KCNN3: variants seen among roughly 807,000 people sequenced by gnomAD.
KCNN3 encodes small conductance calcium-activated potassium channel protein 3.
In KCNN3, 16 loss-of-function variants were observed where a neutral mutation model predicts 62.9. That is an observed-to-expected ratio of 0.25 (90% confidence interval 0.17 to 0.39). KCNN3 has a LOEUF of 0.39. Ranked by LOEUF, KCNN3 falls within the 10% of genes least tolerant of loss-of-function variation. KCNN3 has a pLI of 1.00. For synonymous variants in KCNN3, 370 were observed against 389.2 expected, an observed-to-expected ratio of 0.95 and a Z score of 0.58; for missense variants, 599 against 949.4, an observed-to-expected ratio of 0.63 and a Z score of 4.85.
At chr1:154,732,261 G>A (rs565574236) in intron 4 of KCNN3, among the ~76,000 whole-genome samples, 1 of 152,354 alleles carries the variant, frequency 6.6e-6, no homozygotes, top group Non-Finnish European at 1.5e-5. Context: ...ACACTGTGAT[G>A]GCCATGTGAC....
chr1:154,808,874 A>T (rs1257437792), intron 2 of KCNN3, among the ~76,000 whole-genome samples: 1 of 152,158 alleles, frequency 6.6e-6, no homozygotes, highest in African/African-American at 2.4e-5. Context: ...TGCACAAGTG[A>T]GGGATCTGAG....
rs1168754175 is a variant in KCNN3, at chr1:154,725,949, A to G, written c.1668T>C (p.His556=). ...TGAGCTGAGTGTCCATCATGAAGTT[A>G]TGAACGTGCTTCTCCGCTTTGGTGA... is the stretch of plus-strand genomic sequence containing the variant. ...LELTKAEKHV[H]NFMMDTQLTK... The change falls in exon 5 of 8, where the codon CAT becomes CAC. Residue 556 remains histidine, a synonymous_variant. Transcript: ENST00000271915. 1 of 1,614,012 alleles carries G rather than the reference A, an allele frequency of 6.2e-7. No individual in the cohort carries two copies. The highest frequency in any genetic ancestry group is 8.5e-7 in the Non-Finnish European group (1 of 1,179,984).
intron 2 of KCNN3, among the ~76,000 whole-genome samples, chr1:154,782,308 C>T (rs1255492489): frequency 2.6e-5 from 4 of 152,118 alleles, no homozygotes; most frequent in Admixed American, 1.3e-4. Context: ...CTCGGGCCTC[C>T]GAAACAAAAT....
intron 2 of KCNN3, among the ~76,000 whole-genome samples, chr1:154,790,967 G>A (rs954713913): frequency 1.3e-5 from 2 of 152,112 alleles, no homozygotes; most frequent in African/African-American, 2.4e-5. Flanking sequence ...GGTGGCTCAC[G>A]CCTGTAATCC....
At chr1:154,725,534 C>T (rs1034576511) in intron 5 of KCNN3, among the ~76,000 whole-genome samples, 16 of 63,954 alleles carry the variant, frequency 2.5e-4, no homozygotes, top group African/African-American at 9.7e-4. Context: ...CATTTGCTTC[C>T]TTCCTTCCTT....
rs1410081529 is a variant in KCNN3, at chr1:154,701,243, ACTATC to A, written c.*6728_*6732del. 6.6e-6 allele frequency: 1 copy of A among 152,234 alleles called. No homozygotes were observed. The highest frequency in any genetic ancestry group is 2.4e-5 in the African/African-American group (1 of 41,456). The allele number at this position is 152,234 out of a possible 1,614,324, so 9.4% of individuals were successfully genotyped here. A position where few individuals can be genotyped will look rare whatever the true frequency, so the allele number is the denominator to read the frequency against. ...CCCAGGAGAAAACTTGTTGTTTTGC[ACTATC>A]TGTAAATCTATGTGAATTTTCAGGG... is the stretch of plus-strand genomic sequence containing the variant. On this transcript the variant is annotated 3_prime_UTR_variant, in exon 8 of 8. Transcript: ENST00000271915.
At chr1:154,811,802 A>G (rs892532148) in intron 2 of KCNN3, among the ~76,000 whole-genome samples, 4 of 152,256 alleles carry the variant, frequency 2.6e-5, no homozygotes, top group African/African-American at 7.2e-5. Flanking sequence ...GCACAATGCA[A>G]CAACACTTGT....
At chr1:154,843,561 C>T (rs1023743168) in intron 1 of KCNN3, among the ~76,000 whole-genome samples, 9 of 152,288 alleles carry the variant, frequency 5.9e-5, no homozygotes, top group South Asian at 4.1e-4. Context: ...CCACTGCGCC[C>T]GGCCCCTCAT....
intron 3 of KCNN3, among the ~76,000 whole-genome samples, chr1:154,741,968 C>T (rs1700830051): frequency 6.6e-6 from 1 of 152,262 alleles, no homozygotes; most frequent in Non-Finnish European, 1.5e-5. Context: ...CAACACGTAC[C>T]TGGCTTGGCC....
intron 1 of KCNN3, among the ~76,000 whole-genome samples, chr1:154,866,216 C>T (rs953818703): frequency 6.6e-6 from 1 of 152,192 alleles, no homozygotes; most frequent in Non-Finnish European, 1.5e-5. Context: ...CAACTTCTCA[C>T]TCCGTTGACA....
At chr1:154,748,826 G>A (rs1237929535) in intron 3 of KCNN3, among the ~76,000 whole-genome samples, 3 of 152,200 alleles carry the variant, frequency 2.0e-5, no homozygotes, top group Admixed American at 2.0e-4. Context: ...GCAGGGCATG[G>A]TGGTACGTGT....
In KCNN3 at chr1:154,847,735, G is replaced by A. The variant is rs563633740; in HGVS notation, c.933+21297C>T. On this transcript the variant is annotated intron_variant, in intron 1 of 7. Transcript: ENST00000271915. Reference sequence around the variant, plus strand: ...GGTCTTGCCTCTCCCCACCCATCAAGTCAAGTCCATCATCATATCTTGACA... The same window carrying A: ...GGTCTTGCCTCTCCCCACCCATCAAATCAAGTCCATCATCATATCTTGACA... Among the ~76,000 whole-genome samples the A allele has an allele frequency of 2.0e-5, 3 of 152,258 alleles. No homozygotes were observed. The South Asian group carries it at 6.2e-4, about 32-fold the overall frequency.
intron 3 of KCNN3, among the ~76,000 whole-genome samples, chr1:154,738,221 G>A (rs1011372373): frequency 6.6e-6 from 1 of 152,230 alleles, no homozygotes; most frequent in Non-Finnish European, 1.5e-5. Context: ...GAGCTTTAGG[G>A]GTTTTGGGGG....
At chr1:154,819,947 G>C (rs985889005) in intron 2 of KCNN3, among the ~76,000 whole-genome samples, 1 of 152,226 alleles carries the variant, frequency 6.6e-6, no homozygotes, top group Admixed American at 6.5e-5. Context: ...GTTCAGCAAA[G>C]TGGGTGATGT....
intron 2 of KCNN3, among the ~76,000 whole-genome samples, chr1:154,790,541 G>C (rs1649470128): frequency 6.6e-6 from 1 of 152,188 alleles, no homozygotes. Flanking sequence ...GTAAACGGTA[G>C]AGTACTGTAT....
intron 1 of KCNN3, among the ~76,000 whole-genome samples, chr1:154,826,264 A>T (rs553887739): frequency 6.6e-6 from 1 of 152,292 alleles, no homozygotes; most frequent in South Asian, 2.1e-4. Context: ...AGAATTCCTA[A>T]GAGCTGCCTC....
rs1699950939 is a variant in KCNN3, at chr1:154,705,550, T to C, written c.*2426A>G. Reference sequence around the variant, plus strand: ...TCACTCCCTTGACTAGTGTTGCTAGTTTGGTCTTTAGGGTTTACCTAAGTG... The same window carrying C: ...TCACTCCCTTGACTAGTGTTGCTAGCTTGGTCTTTAGGGTTTACCTAAGTG... On this transcript the variant is annotated 3_prime_UTR_variant, in exon 8 of 8. Transcript: ENST00000271915. 1 of 152,188 alleles carries C rather than the reference T, an allele frequency of 6.6e-6. No homozygotes were observed. The highest frequency in any genetic ancestry group is 6.5e-5 in the Admixed American group (1 of 15,280). The allele number at this position is 152,188 out of a possible 1,614,324, so 9.4% of individuals were successfully genotyped here. A position where few individuals can be genotyped will look rare whatever the true frequency, so the allele number is the denominator to read the frequency against.
At chr1:154,751,018 C>A (rs923146499) in intron 3 of KCNN3, among the ~76,000 whole-genome samples, 2 of 152,172 alleles carry the variant, frequency 1.3e-5, no homozygotes, top group Non-Finnish European at 2.9e-5. Context: ...TTTAGATAAG[C>A]AAATGGAGGC....
chr1:154,739,661 T>C (rs11264253), intron 3 of KCNN3, among the ~76,000 whole-genome samples: 27,772 of 152,146 alleles, frequency 0.18, 2,636 homozygotes, highest in South Asian at 0.25. Context: ...TTCTAACACA[T>C]AGAGTATGGC....
Sources: allele counts gnomAD v4.1 joint callset (sites outside exome capture counted in the v4.1 genomes callset), GRCh38; gene constraint gnomAD v4.1.1; transcripts MANE v1.5; gene names NCBI Gene and HGNC (gene_info 2026-07-23, HGNC 2026-07-21).